Variants in TRANK1 observed in about 807,000 individuals in gnomAD.
TRANK1 encodes the protein TPR and ankyrin repeat-containing protein 1.
TRANK1 carries 198 observed loss-of-function variants against 266.0 expected under a neutral mutation model. The observed-to-expected ratio is 0.74, with a 90% confidence interval of 0.66 to 0.84. The LOEUF is 0.84. Ranked by LOEUF, TRANK1 falls within the 40% of genes least tolerant of loss-of-function variation. The pLI is 0.00. For missense variants in TRANK1, 3,326 were observed against 3,634.6 expected, an observed-to-expected ratio of 0.92 and a Z score of 2.18; for synonymous variants, 1,396 against 1,384.1, an observed-to-expected ratio of 1.01 and a Z score of -0.19.
At chr3:36,888,503 C>T (rs1457339647) in intron 8 of TRANK1, among the ~76,000 whole-genome samples, 1 of 152,154 alleles carries the variant, frequency 6.6e-6, no homozygotes, top group Non-Finnish European at 1.5e-5. Flanking sequence ...TTCAATAAAG[C>T]TCAAAAATCC....
rs770696191 is a variant in TRANK1 at position 36,831,203 on chromosome 3, C to T, written c.8380G>A (p.Ala2794Thr). ...CTGGAAAGGACTGCCACCTCGGAAGCTGCCCCCTCAAACGCTTTGCTGGGG... is the reference window on the plus strand; with the variant it reads ...CTGGAAAGGACTGCCACCTCGGAAGTTGCCCCCTCAAACGCTTTGCTGGGG... ...FSPSKAFEGA[A>T]SEVAVLSRAE... The change falls in exon 22 of 24, where the codon GCT (alanine) becomes ACT (threonine). Residue 2794 changes from alanine to threonine, a missense_variant. Physicochemically the swap from Ala to Thr is moderately conservative, Grantham distance 58 (BLOSUM62 0). Transcript: ENST00000645898. The surrounding 1 kb of genome is among the most constrained non-coding windows in gnomAD (Gnocchi z 5.0). The T allele has an allele frequency of 1.7e-5, 28 of 1,613,992 alleles. No homozygotes were observed. Among genetic ancestry groups the T allele is most frequent in the Non-Finnish European group, 2.3e-5 (27 of 1,179,892 alleles).
At chr3:36,896,463 C>T (rs1473251091) in intron 4 of TRANK1, among the ~76,000 whole-genome samples, 1 of 152,156 alleles carries the variant, frequency 6.6e-6, no homozygotes, top group Non-Finnish European at 1.5e-5. Context: ...ACAAAGTTTC[C>T]CATAAATATG....
rs1262701059 is a variant in TRANK1 at position 36,858,721 on chromosome 3, T to C, written c.1669A>G (p.Lys557Glu). ...HAALHIFLEI[K>E]ADIGFSFLSH... is the part of the protein sequence containing the mutation. The stretch of plus-strand genomic sequence containing the variant: ...TGCTTAAAAAACAAGGGCTTACCTT[T>C]AATCTCTAGAAAGATGTGGAGTGCT... The change falls in exon 12 of 24, where the codon AAA (lysine) becomes GAA (glutamate). Residue 557 changes from lysine (K) to glutamate (E), a missense_variant. Physicochemically the swap from Lys to Glu is moderately conservative, Grantham distance 56 (BLOSUM62 1). Coordinates refer to ENST00000645898, the MANE Select transcript of TRANK1 (RefSeq NM_001329998.2). 7 of 1,521,322 alleles carry C rather than the reference T, an allele frequency of 4.6e-6. No homozygotes were observed. The highest frequency in any genetic ancestry group is 2.1e-5 in the Admixed American group (1 of 48,446). 94.2% of individuals were successfully genotyped at this position (1,521,322 alleles called of 1,614,324 possible). A position where few individuals can be genotyped will look rare whatever the true frequency, so the allele number is the denominator to read the frequency against.
At chr3:36,850,939 G>A in intron 15 of TRANK1, 1 of 985,546 alleles carries the variant, frequency 1.0e-6, no homozygotes, top group Non-Finnish European at 1.2e-6. Context: ...AGCCAGCTAA[G>A]TCCCCAGAGA....
At chr3:36,924,747 A>G (rs893944935) in intron 1 of TRANK1, among the ~76,000 whole-genome samples, 1 of 152,112 alleles carries the variant, frequency 6.6e-6, no homozygotes, top group Non-Finnish European at 1.5e-5. Context: ...AGGCCAGGCC[A>G]CTAAAAGGCA....
At chr3:36,837,750 C>T (rs2078789689) in intron 20 of TRANK1, among the ~76,000 whole-genome samples, 1 of 152,248 alleles carries the variant, frequency 6.6e-6, no homozygotes, top group Admixed American at 6.5e-5. Flanking sequence ...AGTTTGTAGC[C>T]TGCTGACCAC....
intron 2 of TRANK1, among the ~76,000 whole-genome samples, chr3:36,905,515 G>A (rs764107854): frequency 6.6e-6 from 1 of 152,210 alleles, no homozygotes; most frequent in South Asian, 2.1e-4. Flanking sequence ...ACAGGGGGCA[G>A]CTTGATCTTG....
intron 15 of TRANK1, chr3:36,850,175 T>G: frequency 1.0e-6 from 1 of 985,392 alleles, no homozygotes; most frequent in Non-Finnish European, 1.2e-6. Context: ...TAGGAGAGCC[T>G]CAGTCCAACC....
Position 36,855,838 on chromosome 3 carries a change from G to A in TRANK1, c.3884C>T (p.Ala1295Val). 6.2e-7 allele frequency: 1 copy of A among 1,613,512 alleles called. No individual in the cohort carries two copies. Among genetic ancestry groups the A allele is most frequent in the East Asian group, 2.2e-5 (1 of 44,840 alleles). ...CTCACTGTAGTCCCCATCCACCTCA[G>A]CCTCCTCTTCATCCTCTTGCCAACT... Reference protein sequence around the residue: ...IPSWQEDEEEAEVDGDYSEED... With the variant: ...IPSWQEDEEEVEVDGDYSEED... Residue 1295 changes from alanine to valine, a missense_variant, in exon 13 of 24, where the codon GCT (alanine) becomes GTT (valine). Physicochemically the swap from Ala to Val is moderately conservative, Grantham distance 64 (BLOSUM62 0). Coordinates refer to ENST00000645898, the MANE Select transcript of TRANK1 (RefSeq NM_001329998.2).
chr3:36,856,632 G>A lies in TRANK1; in HGVS notation c.3090C>T (p.His1030=), dbSNP rs2079058985. 20 of 1,614,034 alleles carry A rather than the reference G, an allele frequency of 1.2e-5. No individual in the cohort carries two copies. Among genetic ancestry groups the A allele is most frequent in the Non-Finnish European group, 1.6e-5 (19 of 1,179,896 alleles). Reference sequence around the variant, plus strand: ...TAAAGGCCATGTTGGTGCTGAAGCTGTGGAACTTCATGATGTTATATTCTG... The same window carrying A: ...TAAAGGCCATGTTGGTGCTGAAGCTATGGAACTTCATGATGTTATATTCTG... ...VETEYNIMKF[H]SFSTNMAFNI... is the part of the protein sequence containing the mutation. The change falls in exon 13 of 24, where the codon CAC becomes CAT. Residue 1030 remains histidine (H), a synonymous_variant. Coordinates refer to ENST00000645898, the MANE Select transcript of TRANK1 (RefSeq NM_001329998.2).
intron 15 of TRANK1, among the ~76,000 whole-genome samples, chr3:36,848,503 A>C (rs971379114): frequency 2.6e-5 from 4 of 152,282 alleles, no homozygotes; most frequent in African/African-American, 7.2e-5. Flanking sequence ...CTTTTTATAA[A>C]ATGGTGCTAC....
intron 19 of TRANK1, 37 bp downstream of exon 19, chr3:36,838,576 C>T: frequency 6.2e-7 from 1 of 1,613,916 alleles, no homozygotes; most frequent in Non-Finnish European, 8.5e-7. Flanking sequence ...CTGCTACTCC[C>T]ATCGGAGCAA....
chr3:36,910,708 C>G (rs2080039247), intron 1 of TRANK1, among the ~76,000 whole-genome samples: 1 of 151,754 alleles, frequency 6.6e-6, no homozygotes, highest in African/African-American at 2.4e-5. Flanking sequence ...CCACTACACT[C>G]CAGCCTGGGT....
chr3:36,938,074 G>T, intron 1 of TRANK1, among the ~76,000 whole-genome samples: 1 of 152,190 alleles, frequency 6.6e-6, no homozygotes, highest in African/African-American at 2.4e-5. Flanking sequence ...GTTCACTGCT[G>T]CATGGGGAGG....
In TRANK1 at chr3:36,851,656, C is replaced by G. The variant is rs575966918; in HGVS notation, c.4887+63G>C. The G allele has an allele frequency of 1.9e-4, 293 of 1,541,994 alleles. 4 individuals carry two copies. The South Asian group carries it at 3.6e-3, about 19-fold the overall frequency. ...TACCCTCAACTCCAAATTCTCTTCC[C>G]CAGAGGGAAGTTCAGCTCATACATA... On this transcript the variant is annotated intron_variant, in intron 15 of 23. Coordinates refer to ENST00000645898, the MANE Select transcript of TRANK1 (RefSeq NM_001329998.2).
At chr3:36,846,179 C>T (rs939531353) in intron 17 of TRANK1, 69 bp downstream of exon 17, 2 of 1,408,032 alleles carry the variant, frequency 1.4e-6, no homozygotes, top group Admixed American at 5.0e-5. Flanking sequence ...CCTTTTATTC[C>T]TGACCATAAG....
At chr3:36,847,158 T>C in intron 16 of TRANK1, 42 bp downstream of exon 16, 1 of 1,577,552 alleles carries the variant, frequency 6.3e-7, no homozygotes, top group Non-Finnish European at 8.7e-7. Context: ...TTTTCACTAC[T>C]TCCATGTCAA....
Position 36,944,786 on chromosome 3 carries a change from C to T in TRANK1, c.23+1G>A. 1 of 1,495,464 alleles carries T rather than the reference C, an allele frequency of 6.7e-7. No individual in the cohort carries two copies. The highest frequency in any genetic ancestry group is 8.9e-7 in the Non-Finnish European group (1 of 1,129,494). 92.6% of individuals were successfully genotyped at this position (1,495,464 alleles called of 1,614,324 possible). ...CCAGTGCTTCCCGCGCCGCTACGCACCTAGCTGCCCGCGGGTCCCACATGG... is the reference window on the plus strand; with the variant it reads ...CCAGTGCTTCCCGCGCCGCTACGCATCTAGCTGCCCGCGGGTCCCACATGG... On this transcript the variant is annotated splice_donor_variant, in intron 1 of 23. Coordinates refer to ENST00000645898, the MANE Select transcript of TRANK1 (RefSeq NM_001329998.2). LOFTEE classifies it high-confidence loss of function.
intron 15 of TRANK1, chr3:36,850,222 T>C (rs1452793581): frequency 3.9e-5 from 38 of 985,392 alleles, no homozygotes; most frequent in Non-Finnish European, 4.6e-5. Context: ...AAAAAGTTAG[T>C]CCTCAGAGGT....
Sources: gnomAD v4.1 joint callset for allele counts (sites outside exome capture counted in the v4.1 genomes callset) on GRCh38, gnomAD v4.1.1 for gene constraint, Gnocchi (gnomAD v3.1) non-coding constraint, MANE v1.5 for transcripts, NCBI Gene and HGNC (gene_info 2026-07-23, HGNC 2026-07-21) for gene names.